Variants in EXOSC7 observed in about 807,000 individuals in gnomAD.
EXOSC7 encodes exosome component 7, also known as exosome complex component RRP42.
Under a neutral mutation model 34.3 loss-of-function variants are expected in EXOSC7, and 25 were observed. The observed-to-expected ratio is 0.73, with a 90% CI of 0.53 to 1.02. The LOEUF (loss-of-function observed/expected upper bound fraction) is 1.02. Ranked by LOEUF, EXOSC7 falls within the 50% of genes least tolerant of loss-of-function variation. The pLI, the probability that EXOSC7 is intolerant of heterozygous loss-of-function variation, is 0.00. For missense variants in EXOSC7, 370 were observed against 368.5 expected (o/e 1.00, Z -0.03); for synonymous variants, 130 against 143.0 (o/e 0.91, Z 0.65).
chr3:44,983,099 A>G (rs1425667618), intron 1 of EXOSC7, among the ~76,000 whole-genome samples: 1 of 152,216 alleles, frequency 6.6e-6, no homozygotes, highest in Non-Finnish European at 1.5e-5. Context: ...GTCCTTCCAG[A>G]TGTGTCAGAT....
At chr3:44,980,924 A>C (rs1706254579) in intron 1 of EXOSC7, among the ~76,000 whole-genome samples, 1 of 152,178 alleles carries the variant, frequency 6.6e-6, no homozygotes, top group Non-Finnish European at 1.5e-5. Context: ...CTTGGAGCAG[A>C]CTTCAGAATT....
At chr3:44,984,344 C>T (rs953095305) in intron 1 of EXOSC7, among the ~76,000 whole-genome samples, 8 of 152,038 alleles carry the variant, frequency 5.3e-5, no homozygotes, top group Non-Finnish European at 8.8e-5. Flanking sequence ...GGCATGTTGA[C>T]ATGTGCCTGT....
intron 3 of EXOSC7, among the ~76,000 whole-genome samples, chr3:44,994,196 G>A (rs1041524143): frequency 6.7e-6 from 1 of 149,390 alleles, no homozygotes; most frequent in African/African-American, 2.5e-5. Flanking sequence ...CATTAAATGA[G>A]TTAATACACC....
At chr3:45,006,378 G>A (rs1176282732) in intron 6 of EXOSC7, among the ~76,000 whole-genome samples, 4 of 148,550 alleles carry the variant, frequency 2.7e-5, no homozygotes, top group East Asian at 2.0e-4. Flanking sequence ...GCACCTAGCC[G>A]GCTTGTTCTT....
chr3:44,977,647 G>A (rs151286102), intron 1 of EXOSC7, among the ~76,000 whole-genome samples: 167 of 152,314 alleles, frequency 1.1e-3, no homozygotes, highest in African/African-American at 3.9e-3. Context: ...ATGCCCAAAA[G>A]CAGTTAGATA....
chr3:45,012,151 A>G (rs983012153), downstream of EXOSC7: 1 of 152,126 alleles, frequency 6.6e-6, no homozygotes, highest in Non-Finnish European at 1.5e-5. Flanking sequence ...AAGTCTCTTC[A>G]TGTGTAGAGC....
chr3:44,999,937 A>G (rs1403401623), intron 4 of EXOSC7, among the ~76,000 whole-genome samples: 1 of 152,250 alleles, frequency 6.6e-6, no homozygotes, highest in Non-Finnish European at 1.5e-5. Flanking sequence ...TGGTCTGGTT[A>G]GTCCTCAGAC....
intron 3 of EXOSC7, among the ~76,000 whole-genome samples, chr3:44,990,435 C>T (rs1706538054): frequency 6.6e-6 from 1 of 152,070 alleles, no homozygotes; most frequent in African/African-American, 2.4e-5. Context: ...CTGGCCAGGT[C>T]CCGTCTTCTA....
intron 3 of EXOSC7, among the ~76,000 whole-genome samples, chr3:44,995,019 T>C (rs1020092329): frequency 2.8e-4 from 43 of 152,252 alleles, no homozygotes; most frequent in African/African-American, 1.0e-3. Flanking sequence ...AGTTTCACTC[T>C]TGTTGACCAG....
rs898206790 is a variant in EXOSC7 at position 44,989,551 on chromosome 3, G to A, written c.161G>A (p.Gly54Asp). ...NTSGSARVKL[G>D]HTDILVGVKA... ...GACTCTTCTTGCATGTGTCTGCAGG[G>A]TCACACAGACATCTTGGTGGGAGTG... Residue 54 changes from glycine to aspartate, a missense_variant and splice_region_variant, in exon 3 of 8, where the codon GGT (glycine) becomes GAT (aspartate). By Grantham distance (94) the Gly-to-Asp change is moderately conservative. This residue lies in a region of EXOSC7 where 95 missense variants were observed against 79.8 expected (regional missense o/e 1.19). Transcript: ENST00000265564. 6 of 1,612,456 alleles carry A rather than the reference G, an allele frequency of 3.7e-6. No homozygotes were observed. In the Admixed American group the frequency reaches 8.3e-5, roughly 22 times the overall value.
At chr3:44,983,955 G>GA (rs989199014) in intron 1 of EXOSC7, among the ~76,000 whole-genome samples, 1 of 151,784 alleles carries the variant, frequency 6.6e-6, no homozygotes, top group Non-Finnish European at 1.5e-5. Context: ...TTTTTATATG[G>GA]AAAAAAATTA....
intron 2 of EXOSC7, 89 bp downstream of exon 2, chr3:44,989,330 G>A (rs1169583705): frequency 2.1e-5 from 22 of 1,064,838 alleles, no homozygotes; most frequent in Non-Finnish European, 4.3e-6. Context: ...CTTTTGGAAT[G>A]CAAATTGCTC....
intron 3 of EXOSC7, among the ~76,000 whole-genome samples, chr3:44,990,661 C>G (rs563312956): frequency 6.6e-6 from 1 of 152,112 alleles, no homozygotes; most frequent in Non-Finnish European, 1.5e-5. Context: ...ACATTTCTGC[C>G]CAGGAAAGCC....
intron 7 of EXOSC7, among the ~76,000 whole-genome samples, chr3:45,010,479 T>A (rs983990773): frequency 3.3e-5 from 5 of 152,186 alleles, no homozygotes; most frequent in African/African-American, 1.2e-4. Context: ...TCTCCTGGCC[T>A]CAAGCAAAAT....
intron 1 of EXOSC7, among the ~76,000 whole-genome samples, chr3:44,982,547 T>G (rs932203920): frequency 5.3e-5 from 8 of 152,222 alleles, no homozygotes; most frequent in South Asian, 2.1e-4. Flanking sequence ...TGAAGGGAGT[T>G]GTAGCCCAGC....
chr3:44,976,464 G>A, intron 1 of EXOSC7, 130 bp downstream of exon 1: 2 of 794,764 alleles, frequency 2.5e-6, no homozygotes, highest in Non-Finnish European at 3.8e-6. Context: ...GTGATTAAAC[G>A]GTTCTGCTGC....
chr3:44,984,723 C>T (rs1216029302), intron 1 of EXOSC7, among the ~76,000 whole-genome samples: 1 of 152,200 alleles, frequency 6.6e-6, no homozygotes, highest in Non-Finnish European at 1.5e-5. Context: ...GAATGAATAA[C>T]ACTATCGTAT....
At chr3:45,005,782 C>A (rs976710612) in intron 6 of EXOSC7, among the ~76,000 whole-genome samples, 2 of 152,024 alleles carry the variant, frequency 1.3e-5, no homozygotes, top group African/African-American at 4.8e-5. Context: ...AACACTGTCC[C>A]CCCTATGAAA....
intron 4 of EXOSC7, among the ~76,000 whole-genome samples, chr3:44,998,085 G>C (rs1251636418): frequency 6.7e-6 from 1 of 149,678 alleles, no homozygotes; most frequent in Non-Finnish European, 1.5e-5. Flanking sequence ...ACCCAGGCTG[G>C]AGTGCAATGG....
Sources: gnomAD v4.1 joint callset for allele counts (sites outside exome capture counted in the v4.1 genomes callset) on GRCh38, gnomAD v4.1.1 for gene constraint, gnomAD v4.1.1 regional missense constraint, MANE v1.5 for transcripts, NCBI Gene and HGNC (gene_info 2026-07-23, HGNC 2026-07-21) for gene names.